PPP3CA: variants seen among roughly 807,000 people sequenced by gnomAD.
PPP3CA encodes CAM-PRP catalytic subunit.
A neutral mutation model predicts 66.5 loss-of-function variants in PPP3CA; 14 were observed. The observed-to-expected ratio is 0.21, with a 90% CI of 0.14 to 0.33. The LOEUF (loss-of-function observed/expected upper bound fraction) is 0.33, where lower values mean the gene tolerates loss of function less well. Ranked by LOEUF, PPP3CA falls within the 10% of genes least tolerant of loss-of-function variation. The pLI is 1.00. For synonymous variants in PPP3CA, 232 were observed against 226.2 expected (o/e 1.03, Z -0.23); for missense variants, 317 against 639.5 (o/e 0.50, Z 5.44).
intron 1 of PPP3CA, among the ~76,000 whole-genome samples, chr4:101,204,497 G>C (rs978004913): frequency 6.6e-6 from 1 of 151,894 alleles, no homozygotes; most frequent in Non-Finnish European, 1.5e-5. Context: ...TTAGCAGGGC[G>C]TGGTGGCAGG....
chr4:101,299,423 T>C (rs1266640425), intron 1 of PPP3CA, among the ~76,000 whole-genome samples: 1 of 151,642 alleles, frequency 6.6e-6, no homozygotes, highest in African/African-American at 2.4e-5. Flanking sequence ...GGTCTCACAA[T>C]GTTGCCCAGG....
chr4:101,259,187 G>A (rs1325447191), intron 1 of PPP3CA, among the ~76,000 whole-genome samples: 2 of 152,062 alleles, frequency 1.3e-5, no homozygotes, highest in East Asian at 1.9e-4. Flanking sequence ...ACATACCAAC[G>A]GTTTCCTCTC....
intron 1 of PPP3CA, among the ~76,000 whole-genome samples, chr4:101,243,615 T>C (rs957785078): frequency 3.3e-5 from 5 of 152,194 alleles, no homozygotes; most frequent in Admixed American, 2.0e-4. Context: ...ATTTCAAATA[T>C]ATACAAGGAT....
chr4:101,075,123 T>G (rs1250179286), intron 8 of PPP3CA, among the ~76,000 whole-genome samples: 1 of 152,196 alleles, frequency 6.6e-6, no homozygotes, highest in East Asian at 1.9e-4. Context: ...CATGATTCAA[T>G]TATCTCCACC....
At chr4:101,138,931 A>C (rs1164860179) in intron 2 of PPP3CA, among the ~76,000 whole-genome samples, 1 of 152,208 alleles carries the variant, frequency 6.6e-6, no homozygotes, top group Non-Finnish European at 1.5e-5. Context: ...ATAATGTCAA[A>C]ATATTATGAA....
chr4:101,346,072 C>G (rs1026659913), intron 1 of PPP3CA, among the ~76,000 whole-genome samples: 1 of 152,200 alleles, frequency 6.6e-6, no homozygotes, highest in East Asian at 1.9e-4. Flanking sequence ...CCCGCGCCCC[C>G]CGCGGCCACC....
intron 1 of PPP3CA, among the ~76,000 whole-genome samples, chr4:101,291,815 C>T (rs1728035769): frequency 6.6e-6 from 1 of 152,080 alleles, no homozygotes; most frequent in Admixed American, 6.6e-5. Flanking sequence ...CTAGGCTTGA[C>T]AGTGGTATCA....
chr4:101,096,584 C>G (rs1221342751), intron 5 of PPP3CA, among the ~76,000 whole-genome samples: 1 of 152,114 alleles, frequency 6.6e-6, no homozygotes, highest in Non-Finnish European at 1.5e-5. Flanking sequence ...ACTAATCCCC[C>G]TTTGAAGGAG....
chr4:101,274,410 C>T (rs1727427976), intron 1 of PPP3CA, among the ~76,000 whole-genome samples: 1 of 151,976 alleles, frequency 6.6e-6, no homozygotes, highest in African/African-American at 2.4e-5. Flanking sequence ...AAGGATATTT[C>T]AGCTGTTAAT....
intron 6 of PPP3CA, among the ~76,000 whole-genome samples, chr4:101,092,707 G>A (rs1316712407): frequency 2.6e-5 from 4 of 151,942 alleles, no homozygotes; most frequent in African/African-American, 7.3e-5. Flanking sequence ...CTGTTCTTGT[G>A]ATACTTTGTT....
intron 8 of PPP3CA, among the ~76,000 whole-genome samples, chr4:101,076,357 C>G (rs746651468): frequency 2.0e-5 from 3 of 151,180 alleles, no homozygotes; most frequent in Admixed American, 2.0e-4. Flanking sequence ...CTGCCTACCA[C>G]GTACAAGGCA....
At chr4:101,340,883 A>C (rs928866907) in intron 1 of PPP3CA, among the ~76,000 whole-genome samples, 1 of 152,154 alleles carries the variant, frequency 6.6e-6, no homozygotes, top group Non-Finnish European at 1.5e-5. Context: ...GTTCAGAAAA[A>C]CAGGCTTAAG....
chr4:101,211,535 G>A (rs1223289307), intron 1 of PPP3CA, among the ~76,000 whole-genome samples: 1 of 152,144 alleles, frequency 6.6e-6, no homozygotes, highest in East Asian at 1.9e-4. Context: ...CCTTAAAAGA[G>A]ACCAAAATGT....
chr4:101,168,475 C>T (rs1723764932), intron 2 of PPP3CA, among the ~76,000 whole-genome samples: 1 of 151,908 alleles, frequency 6.6e-6, no homozygotes, highest in Non-Finnish European at 1.5e-5. Context: ...TAGAACAAGA[C>T]AATAGGGAAA....
chr4:101,281,805 G>A (rs1727692946), intron 1 of PPP3CA, among the ~76,000 whole-genome samples: 1 of 152,128 alleles, frequency 6.6e-6, no homozygotes, highest in African/African-American at 2.4e-5. Context: ...AGTGAAAAAA[G>A]CATCCTCCCT....
rs116294101 is a variant in PPP3CA at position 101,085,401 on chromosome 4, G to A, written c.783-2138C>T. ...GAAAGAATAATTTTAAAATATTTTC[G>A]TCACACTAAGTTTGATACCCTTATG... On this transcript the variant is annotated intron_variant, in intron 6 of 13. Transcript: ENST00000394854. Among the ~76,000 whole-genome samples the A allele has an allele frequency of 8.6e-3, 1,315 of 152,076 alleles. 8 individuals carry two copies. Among genetic ancestry groups the A allele is most frequent in the Non-Finnish European group, 0.014 (979 of 67,984 alleles).
At position 101,025,524 on chromosome 4, in the gene PPP3CA, A is replaced by ATCT; in HGVS notation, c.*338_*340dup. ...AGAATAAAAGGCCTTTCATTAACCT[A>ATCT]TCTAGAAGTCCCCAATGCAGTAGGA... is the stretch of plus-strand genomic sequence containing the variant. On this transcript the variant is annotated 3_prime_UTR_variant, in exon 14 of 14. Coordinates refer to ENST00000394854, the MANE Select transcript of PPP3CA (RefSeq NM_000944.5). 1 of 176,200 alleles carries ATCT rather than the reference A, an allele frequency of 5.7e-6. No individual in the cohort carries two copies. The highest frequency in any genetic ancestry group is 1.2e-5 in the Non-Finnish European group (1 of 83,464). 10.9% of individuals were successfully genotyped at this position (176,200 alleles called of 1,614,324 possible). A position where few individuals can be genotyped will look rare whatever the true frequency, so the allele number is the denominator to read the frequency against.
chr4:101,329,751 G>A (rs889448363), intron 1 of PPP3CA, among the ~76,000 whole-genome samples: 1 of 152,012 alleles, frequency 6.6e-6, no homozygotes, highest in African/African-American at 2.4e-5. Flanking sequence ...CTCTGCCTGT[G>A]CTCCGTAAGT....
At chr4:101,059,049 A>C (rs1382537652) in intron 10 of PPP3CA, among the ~76,000 whole-genome samples, 1 of 152,158 alleles carries the variant, frequency 6.6e-6, no homozygotes, top group East Asian at 1.9e-4. Context: ...CTTTTAAAGA[A>C]TAAAAGGAAT....
Sources: allele counts gnomAD v4.1 joint callset (sites outside exome capture counted in the v4.1 genomes callset), GRCh38; gene constraint gnomAD v4.1.1; transcripts MANE v1.5; gene names NCBI Gene and HGNC (gene_info 2026-07-23, HGNC 2026-07-21).